UBXN2A: variants seen among roughly 807,000 people sequenced by gnomAD.
The protein encoded by UBXN2A is UBX domain-containing protein 2A.
A neutral mutation model predicts 28.4 loss-of-function variants in UBXN2A; 28 were observed. That is an observed-to-expected ratio of 0.99 (90% CI 0.73 to 1.35). The LOEUF (loss-of-function observed/expected upper bound fraction) is 1.35. Among genes scored for constraint, UBXN2A ranks in the 40% most tolerant of loss-of-function variants. UBXN2A has a pLI of 0.00. For missense variants in UBXN2A, 253 were observed against 297.9 expected (o/e 0.85, Z 1.11); for synonymous variants, 97 against 103.6 (o/e 0.94, Z 0.39).
upstream of UBXN2A, among the ~76,000 whole-genome samples, chr2:23,938,555 C>CTT (rs561919115): frequency 4.7e-5 from 6 of 127,572 alleles, no homozygotes; most frequent in African/African-American, 1.2e-4. Context: ...CCCCCCCTCC[C>CTT]TTTTTTTTTT....
chr2:23,953,909 G>GT (rs1332010261), intron 1 of UBXN2A, among the ~76,000 whole-genome samples: 1 of 152,074 alleles, frequency 6.6e-6, no homozygotes, highest in African/African-American at 2.4e-5. Flanking sequence ...ACTGAGGCAT[G>GT]TTTTTTTGTC....
intron 3 of UBXN2A, among the ~76,000 whole-genome samples, chr2:23,976,121 C>G (rs946873192): frequency 1.3e-5 from 2 of 152,162 alleles, no homozygotes; most frequent in Non-Finnish European, 2.9e-5. Context: ...CACCTCTTCC[C>G]ATTCTTCTAA....
At chr2:23,948,057 G>A (rs1464905289) in intron 1 of UBXN2A, among the ~76,000 whole-genome samples, 1 of 151,826 alleles carries the variant, frequency 6.6e-6, no homozygotes, top group Non-Finnish European at 1.5e-5. Context: ...GTTTCATCAT[G>A]TTGGCCAGGC....
At chr2:23,997,808 A>G (rs1708598261) in intron 6 of UBXN2A, among the ~76,000 whole-genome samples, 1 of 135,170 alleles carries the variant, frequency 7.4e-6, no homozygotes, top group Non-Finnish European at 1.6e-5. Context: ...CTTTATTTTA[A>G]TATTTTCTTT....
At chr2:23,990,883 T>C (rs567779913) in intron 6 of UBXN2A, among the ~76,000 whole-genome samples, 5 of 152,290 alleles carry the variant, frequency 3.3e-5, no homozygotes, top group Admixed American at 2.6e-4. Context: ...ATTCCATTCA[T>C]GTCAGGTTTA....
intron 4 of UBXN2A, among the ~76,000 whole-genome samples, chr2:23,981,506 A>T (rs1378610292): frequency 2.1e-5 from 3 of 145,116 alleles, no homozygotes; most frequent in African/African-American, 7.6e-5. Context: ...AAAAAAAAAA[A>T]ATAGAAAAGT....
intron 1 of UBXN2A, among the ~76,000 whole-genome samples, chr2:23,933,812 C>T (rs1471162384): frequency 6.6e-6 from 1 of 152,184 alleles, no homozygotes; most frequent in Non-Finnish European, 1.5e-5. Context: ...GGGAGGCCAT[C>T]AATGAAGAGA....
In UBXN2A at chr2:23,968,459, G is replaced by C. The variant is rs534887322; in HGVS notation, c.42-2817G>C. On this transcript the variant is annotated intron_variant, in intron 2 of 6. Transcript: ENST00000309033. ...CGGGAGGCTGAGGCAGGCGGATCAC[G>C]AGGTCAGATCGAGATAATCCTGGCT... is the stretch of plus-strand genomic sequence containing the variant. Among the ~76,000 whole-genome samples the C allele has an allele frequency of 1.1e-4, 17 of 152,084 alleles. 1 individual carries two copies. In the South Asian group the frequency reaches 3.5e-3, roughly 32 times the overall value.
intron 1 of UBXN2A, among the ~76,000 whole-genome samples, chr2:23,930,435 A>G (rs1705333885): frequency 1.3e-5 from 2 of 152,216 alleles, no homozygotes; most frequent in Non-Finnish European, 2.9e-5. Flanking sequence ...AAACTGCAAT[A>G]CAATGTGAAA....
chr2:23,973,940 G>C (rs1383964145), intron 3 of UBXN2A, among the ~76,000 whole-genome samples: 1 of 148,458 alleles, frequency 6.7e-6, no homozygotes, highest in East Asian at 2.1e-4. Context: ...CTGCCTGGTA[G>C]ATATTTTCTA....
chr2:23,943,987 G>A (rs2150801923), intron 1 of UBXN2A: 2 of 480,106 alleles, frequency 4.2e-6, no homozygotes, highest in African/African-American at 2.0e-5. Flanking sequence ...AAGAACACAG[G>A]TTCAAACCGT....
intron 6 of UBXN2A, among the ~76,000 whole-genome samples, chr2:23,990,693 G>A (rs1351947855): frequency 6.6e-6 from 1 of 151,330 alleles, no homozygotes; most frequent in Non-Finnish European, 1.5e-5. Flanking sequence ...AGAATGGCTT[G>A]AACCCAGGAG....
At chr2:23,972,134 G>A (rs1379743783) in intron 3 of UBXN2A, among the ~76,000 whole-genome samples, 1 of 152,002 alleles carries the variant, frequency 6.6e-6, no homozygotes, top group East Asian at 1.9e-4. Context: ...AAAAATAACT[G>A]TGTTCACTTT....
At chr2:23,985,396 GCAC>G (rs1403455648) in intron 6 of UBXN2A, among the ~76,000 whole-genome samples, 2 of 151,980 alleles carry the variant, frequency 1.3e-5, no homozygotes, top group Non-Finnish European at 2.9e-5. Flanking sequence ...TTACAGGTTT[GCAC>G]CACCAAGCCC....
At chr2:23,974,993 A>G (rs997702392) in intron 3 of UBXN2A, among the ~76,000 whole-genome samples, 4 of 151,996 alleles carry the variant, frequency 2.6e-5, no homozygotes, top group African/African-American at 9.7e-5. Context: ...AAAAAAAGAA[A>G]AGAAAAAGAA....
chr2:23,935,156 C>A (rs1573520686), intron 1 of UBXN2A, among the ~76,000 whole-genome samples: 1 of 152,222 alleles, frequency 6.6e-6, no homozygotes, highest in East Asian at 1.9e-4. Context: ...ACAGAGAAAT[C>A]TTCATGACAT....
Position 23,954,756 on chromosome 2 carries a change from C to CTT in UBXN2A, c.-14-3529_-14-3528dup, listed in dbSNP as rs35258355. 3.1e-3 allele frequency among the ~76,000 whole-genome samples: 413 copies of CTT among 133,598 alleles called. 4 individuals carry two copies. Among genetic ancestry groups the CTT allele is most frequent in the African/African-American group, 0.011 (401 of 36,570 alleles). The allele number at this position is 133,598 out of a possible 152,430, so 87.6% of individuals were successfully genotyped here. On this transcript the variant is annotated intron_variant, in intron 1 of 6. Coordinates refer to ENST00000309033, the MANE Select transcript of UBXN2A (RefSeq NM_181713.4). ...AAGTCCTTTGCCCATTTTTGCATAT[C>CTT]TTTTTTTTTTTTTTTTTAAGAGACA... is the stretch of plus-strand genomic sequence containing the variant.
chr2:23,984,555 TA>T lies in UBXN2A; in HGVS notation c.426-116del, dbSNP rs979973860. ...TCTGTTATTACTGAAGAAACACATA[TA>T]ACTTAAAAAATCTTCCTTAAAGTTA... On this transcript the variant is annotated intron_variant, in intron 5 of 6. Coordinates refer to ENST00000309033, the MANE Select transcript of UBXN2A (RefSeq NM_181713.4). 33 of 867,180 alleles carry T rather than the reference TA, an allele frequency of 3.8e-5. No homozygotes were observed. In the African/African-American group the frequency reaches 5.3e-4, roughly 14 times the overall value. 53.7% of individuals were successfully genotyped at this position (867,180 alleles called of 1,614,324 possible).
intron 2 of UBXN2A, among the ~76,000 whole-genome samples, chr2:23,962,867 C>A (rs1388032570): frequency 6.6e-6 from 1 of 152,118 alleles, no homozygotes; most frequent in Admixed American, 6.6e-5. Flanking sequence ...GCCTTGGCAT[C>A]CCAAAGTGCT....
Sources: gnomAD v4.1 joint callset for allele counts (sites outside exome capture counted in the v4.1 genomes callset) on GRCh38, gnomAD v4.1.1 for gene constraint, MANE v1.5 for transcripts, NCBI Gene and HGNC (gene_info 2026-07-23, HGNC 2026-07-21) for gene names.